Variants in PDZD4 observed in about 807,000 individuals in gnomAD.
PDZD4 encodes the protein PDZ domain containing 4.
PDZD4 carries 9 observed loss-of-function variants against 38.5 expected under a neutral mutation model. The ratio of observed to expected loss-of-function variants is 0.23; its 90% CI spans 0.14 to 0.41. PDZD4 has a LOEUF of 0.41. PDZD4 is among the 10% of genes least tolerant of loss of function. The pLI, the probability that PDZD4 is intolerant of heterozygous loss-of-function variation, is 1.00. For missense variants in PDZD4, 612 were observed against 722.0 expected, an observed-to-expected ratio of 0.85 and a Z score of 1.75; for synonymous variants, 349 against 315.7, an observed-to-expected ratio of 1.11 and a Z score of -1.12.
rs782291507 is a variant in PDZD4 at position 153,804,332 on chromosome X, G to C, written c.1349C>G (p.Ala450Gly). ...CTCGTGCTTCTTGGGCTCGCTGGCC[G>C]CCAGGTCGTAGAGGCTCTCCTCCTC... The part of the protein sequence containing the change: ...LLEEESLYDL[A>G]ASEPKKHELS... The change falls in exon 8 of 8, where the codon GCG (alanine) becomes GGG (glycine). Residue 450 changes from alanine (A) to glycine (G), a missense_variant. Around this residue, in one of 3 missense-constraint regions of PDZD4, gnomAD observed 300 missense variants for 284.6 expected, o/e 1.05. Coordinates refer to ENST00000393758, the MANE Select transcript of PDZD4 (RefSeq NM_001303512.2). 8.3e-7 allele frequency: 1 copy of C among 1,205,582 alleles called. No homozygotes were observed. The highest frequency in any genetic ancestry group is 1.1e-6 in the Non-Finnish European group (1 of 893,835).
chrX:153,805,727 G>T, intron 5 of PDZD4, 121 bp from the exon 6 acceptor site: 2 of 563,362 alleles, frequency 3.6e-6, no homozygotes, highest in East Asian at 3.4e-5. Flanking sequence ...CTTGAGCTCT[G>T]GGAGGATGTA....
intron 2 of PDZD4, chrX:153,807,711 G>A (rs1557077596): frequency 1.3e-5 from 1 of 74,735 alleles, no homozygotes; most frequent in African/African-American, 1.4e-4. Flanking sequence ...GCCCAGCACT[G>A]GCCCCACTCA....
intron 1 of PDZD4, chrX:153,829,891 C>A: frequency 1.1e-5 from 9 of 810,564 alleles, no homozygotes; most frequent in Non-Finnish European, 1.3e-5. Context: ...TCGGCGCCCC[C>A]CGCACGGCGG....
intron 1 of PDZD4, among the ~76,000 whole-genome samples, chrX:153,817,259 G>A (rs1197266731): frequency 8.9e-6 from 1 of 111,862 alleles, no homozygotes; most frequent in Non-Finnish European, 1.9e-5. Flanking sequence ...GGCGTGCAAA[G>A]AAAACTTACA....
intron 1 of PDZD4, among the ~76,000 whole-genome samples, chrX:153,828,337 C>A (rs138814635): frequency 0.014 from 1,623 of 112,766 alleles, 36 homozygotes; most frequent in African/African-American, 0.048. Context: ...CTCGTAAAAT[C>A]CCGGCTTTGA....
At chrX:153,821,471 AC>A (rs1460251388) in intron 1 of PDZD4, among the ~76,000 whole-genome samples, 5 of 109,655 alleles carry the variant, frequency 4.6e-5, no homozygotes, top group African/African-American at 1.0e-4. Flanking sequence ...AAAAAAAAAA[AC>A]AAAACAAACA....
At chrX:153,809,364 A>G (rs1304824284) in intron 1 of PDZD4, among the ~76,000 whole-genome samples, 1 of 112,714 alleles carries the variant, frequency 8.9e-6, no homozygotes, top group Non-Finnish European at 1.9e-5. Context: ...AGGCGGGCAG[A>G]TCACGAGGTC....
At position 153,825,217 on chromosome X, in the gene PDZD4, G is replaced by A. The variant is rs1371845199; in HGVS notation, c.60+5022C>T. ...TGTGGACAGAGGGGAGATGACAGGCGGTCCTGACCCACTCCCCCTGTAAAG... is the reference window on the plus strand; with the variant it reads ...TGTGGACAGAGGGGAGATGACAGGCAGTCCTGACCCACTCCCCCTGTAAAG... On this transcript the variant is annotated intron_variant, in intron 1 of 7. Coordinates refer to ENST00000393758, the MANE Select transcript of PDZD4 (RefSeq NM_001303512.2). Among the ~76,000 whole-genome samples the A allele has an allele frequency of 4.5e-5, 5 of 112,270 alleles. No individual in the cohort carries two copies. The East Asian group carries it at 8.4e-4, about 19-fold the overall frequency.
At chrX:153,815,517 G>A (rs2064352352) in intron 1 of PDZD4, among the ~76,000 whole-genome samples, 1 of 112,886 alleles carries the variant, frequency 8.9e-6, no homozygotes, top group Middle Eastern at 4.2e-3. Context: ...AACGTTCATG[G>A]TAGCCTTTGA....
intron 1 of PDZD4, chrX:153,829,893 G>C: frequency 1.2e-6 from 1 of 807,230 alleles, no homozygotes; most frequent in Non-Finnish European, 1.5e-6. Flanking sequence ...GGCGCCCCCC[G>C]CACGGCGGGA....
intron 1 of PDZD4, among the ~76,000 whole-genome samples, chrX:153,828,574 G>A (rs1050616696): frequency 6.2e-5 from 7 of 112,429 alleles, no homozygotes; most frequent in Middle Eastern, 4.6e-3. Context: ...CCGACCTGCC[G>A]AGGCCTTCCC....
intron 2 of PDZD4, among the ~76,000 whole-genome samples, chrX:153,807,647 A>C: frequency 8.9e-6 from 1 of 112,456 alleles, no homozygotes; most frequent in East Asian, 2.8e-4. Context: ...AACTCCTCCA[A>C]CCACGCCAGC....
chrX:153,827,405 T>G (rs151149873), intron 1 of PDZD4, among the ~76,000 whole-genome samples: 1,529 of 112,175 alleles, frequency 0.014, 13 homozygotes, highest in Middle Eastern at 0.032. Context: ...AAGCAAGGAC[T>G]CAAACAGATA....
At position 153,803,261 on chromosome X, in the gene PDZD4, GCACA is replaced by G. The variant is rs781896560; in HGVS notation, c.*88_*91del. 319 of 577,848 alleles carry G rather than the reference GCACA, an allele frequency of 5.5e-4. No individual in the cohort carries two copies. The highest frequency in any genetic ancestry group is 4.6e-3 in the African/African-American group (193 of 42,094). The allele number at this position is 577,848 out of a possible 1,213,427, so 47.6% of individuals were successfully genotyped here. A position where few individuals can be genotyped will look rare whatever the true frequency, so the allele number is the denominator to read the frequency against. Reference sequence around the variant, plus strand: ...GTGCGCACAGCGAGCACGCGCGCGCGCACACACACACACACACAATCTCTATAGG... The same window carrying G: ...GTGCGCACAGCGAGCACGCGCGCGCGCACACACACACACAATCTCTATAGG... On this transcript the variant is annotated 3_prime_UTR_variant, in exon 8 of 8. Coordinates refer to ENST00000393758, the MANE Select transcript of PDZD4 (RefSeq NM_001303512.2).
chrX:153,812,107 G>A (rs1603263954), intron 1 of PDZD4, among the ~76,000 whole-genome samples: 1 of 110,036 alleles, frequency 9.1e-6, no homozygotes, highest in Non-Finnish European at 1.9e-5. Flanking sequence ...TCTGGTATGG[G>A]AGATGGAAAT....
intron 1 of PDZD4, among the ~76,000 whole-genome samples, chrX:153,823,233 ATT>A (rs374179447): frequency 5.4e-4 from 37 of 68,419 alleles, no homozygotes; most frequent in Non-Finnish European, 5.6e-4. Flanking sequence ...ATATATATAT[ATT>A]TTTTTTTGAG....
chrX:153,805,685 AG>A (rs1557076735), intron 5 of PDZD4, 79 bp from the exon 6 acceptor site: 1 of 807,270 alleles, frequency 1.2e-6, no homozygotes, highest in African/African-American at 2.0e-5. Context: ...AGGGAGCCCA[AG>A]CACTCTGGGC....
chrX:153,812,818 C>T (rs112842031), intron 1 of PDZD4, among the ~76,000 whole-genome samples: 151 of 110,312 alleles, frequency 1.4e-3, no homozygotes, highest in African/African-American at 4.8e-3. Context: ...CTTGCCTCCC[C>T]GCCCCACCCC....
chrX:153,819,117 G>A (rs1387615459), intron 1 of PDZD4, among the ~76,000 whole-genome samples: 1 of 112,850 alleles, frequency 8.9e-6, no homozygotes, highest in Non-Finnish European at 1.9e-5. Flanking sequence ...CCGCGACGGC[G>A]GCGGGGTGGC....
Sources: allele counts gnomAD v4.1 joint callset (sites outside exome capture counted in the v4.1 genomes callset), GRCh38; gene constraint gnomAD v4.1.1; regional missense constraint gnomAD v4.1.1; transcripts MANE v1.5; gene names NCBI Gene and HGNC (gene_info 2026-07-23, HGNC 2026-07-21).